Variants in ASIC2 observed in about 807,000 individuals in gnomAD.
ASIC2 encodes the protein acid sensing ion channel subunit 2, also known as acid-sensing ion channel 2.
ASIC2 carries 25 observed loss-of-function variants against 57.3 expected under a neutral mutation model. The ratio of observed to expected loss-of-function variants is 0.44; its 90% CI spans 0.32 to 0.61. The LOEUF is 0.61. Ranked by LOEUF, ASIC2 falls within the 20% of genes least tolerant of loss-of-function variation. ASIC2 has a pLI of 0.06. For missense variants in ASIC2, 641 were observed against 738.1 expected (o/e 0.87, Z 1.52); for synonymous variants, 319 against 307.5 (o/e 1.04, Z -0.39).
chr17:34,095,613 ATATATATATATATATAATTT>A (rs1469280250), intron 1 of ASIC2, among the ~76,000 whole-genome samples: 89 of 83,176 alleles, frequency 1.1e-3, no homozygotes, highest in African/African-American at 6.4e-3. Flanking sequence ...AATTTTATAT[ATATATATATATATATAATTT>A]TATATATATA....
intron 1 of ASIC2, chr17:34,038,372 T>C (rs1186654402): frequency 4.8e-5 from 78 of 1,611,296 alleles, no homozygotes; most frequent in East Asian, 2.2e-4. Context: ...TATTCTGGGA[T>C]GGTCCAGCTC....
rs527885860 is a variant in ASIC2, at chr17:33,181,692, T to G, written c.709-69625A>C. 2.0e-5 allele frequency among the ~76,000 whole-genome samples: 3 copies of G among 152,334 alleles called. No homozygotes were observed. In the East Asian group the frequency reaches 5.8e-4, roughly 29 times the overall value. On this transcript the variant is annotated intron_variant, in intron 1 of 9. Transcript: ENST00000225823. ...TCACCCTCAATCCAGGATGATCTCA[T>G]GCTGAGATCCTGAACTCAATTCCAG... is the stretch of plus-strand genomic sequence containing the variant.
intron 1 of ASIC2, among the ~76,000 whole-genome samples, chr17:33,887,424 G>T (rs911724837): frequency 6.6e-6 from 1 of 152,104 alleles, no homozygotes; most frequent in Non-Finnish European, 1.5e-5. Flanking sequence ...AGGTATCAGG[G>T]AAGGCTTCCT....
At chr17:33,455,248 A>G (rs553590660) in intron 1 of ASIC2, among the ~76,000 whole-genome samples, 2 of 152,252 alleles carry the variant, frequency 1.3e-5, no homozygotes, top group African/African-American at 4.8e-5. Flanking sequence ...TTACCTGGTT[A>G]TATTGCATGA....
intron 1 of ASIC2, among the ~76,000 whole-genome samples, chr17:33,348,053 G>A (rs1007556691): frequency 6.6e-6 from 1 of 152,186 alleles, no homozygotes; most frequent in Non-Finnish European, 1.5e-5. Flanking sequence ...AGTGAGCCGA[G>A]ATGGCACTGC....
At chr17:33,099,170 G>T (rs12326038) in intron 2 of ASIC2, among the ~76,000 whole-genome samples, 12,962 of 150,688 alleles carry the variant, frequency 0.086, 678 homozygotes, top group Admixed American at 0.12. Flanking sequence ...GTTTTTTTTT[G>T]TTGTTGTTGT....
chr17:33,017,786 C>CA, intron 7 of ASIC2, 102 bp from the exon 8 acceptor site: 2 of 1,068,382 alleles, frequency 1.9e-6, no homozygotes, highest in South Asian at 2.9e-5. Flanking sequence ...GCGCCCCCTC[C>CA]ATGGGGAGCC....
chr17:33,044,261 C>CCCATCCATCCAT (rs3052916), intron 3 of ASIC2, among the ~76,000 whole-genome samples: 4 of 137,732 alleles, frequency 2.9e-5, no homozygotes, highest in South Asian at 4.8e-4. Flanking sequence ...CATCCATCTA[C>CCCATCCATCCAT]CCATCCATCC....
At chr17:33,806,910 A>G (rs1912282679) in intron 1 of ASIC2, among the ~76,000 whole-genome samples, 1 of 152,222 alleles carries the variant, frequency 6.6e-6, no homozygotes, top group African/African-American at 2.4e-5. Flanking sequence ...TCATGTTTGC[A>G]TGCTGTCACC....
At chr17:33,562,729 G>T (rs920417956) in intron 1 of ASIC2, among the ~76,000 whole-genome samples, 9 of 151,726 alleles carry the variant, frequency 5.9e-5, no homozygotes, top group African/African-American at 2.2e-4. Flanking sequence ...GCCTCCAGAG[G>T]GTTGATATGT....
upstream of ASIC2, among the ~76,000 whole-genome samples, chr17:33,295,694 C>A (rs116946916): frequency 2.6e-4 from 40 of 152,308 alleles, no homozygotes; most frequent in Non-Finnish European, 5.4e-4. Context: ...GCACAGTGAC[C>A]TAGCACGTTG....
At chr17:33,795,886 C>A (rs1424276580) in intron 1 of ASIC2, among the ~76,000 whole-genome samples, 1 of 152,206 alleles carries the variant, frequency 6.6e-6, no homozygotes, top group Admixed American at 6.5e-5. Flanking sequence ...ACCAACTCTT[C>A]CCCTTGAAGT....
At chr17:33,979,603 T>G (rs1351910688) in intron 1 of ASIC2, among the ~76,000 whole-genome samples, 1 of 152,174 alleles carries the variant, frequency 6.6e-6, no homozygotes, top group African/African-American at 2.4e-5. Context: ...AAAGGCCTCA[T>G]GTGTCAGGAA....
intron 1 of ASIC2, among the ~76,000 whole-genome samples, chr17:33,633,363 G>A (rs1229301185): frequency 2.0e-5 from 3 of 152,330 alleles, no homozygotes; most frequent in East Asian, 1.9e-4. Flanking sequence ...GGCAGATCAC[G>A]AGTGGACTCT....
At chr17:33,325,226 C>A (rs1597683804) in intron 1 of ASIC2, among the ~76,000 whole-genome samples, 1 of 152,114 alleles carries the variant, frequency 6.6e-6, no homozygotes, top group Non-Finnish European at 1.5e-5. Flanking sequence ...ACAAATAACT[C>A]AAAAAATGAA....
chr17:33,763,623 T>A (rs991953477), intron 1 of ASIC2, among the ~76,000 whole-genome samples: 1 of 152,148 alleles, frequency 6.6e-6, no homozygotes, highest in Non-Finnish European at 1.5e-5. Flanking sequence ...GGAGGTGAGA[T>A]GAGTCACTAC....
chr17:33,075,063 C>T (rs1014496898), intron 3 of ASIC2, among the ~76,000 whole-genome samples: 8 of 152,116 alleles, frequency 5.3e-5, no homozygotes, highest in Admixed American at 5.2e-4. Flanking sequence ...TGTGTCCCCA[C>T]CCAAATTTCA....
intron 1 of ASIC2, among the ~76,000 whole-genome samples, chr17:33,560,597 T>C (rs1247185617): frequency 6.6e-6 from 1 of 152,078 alleles, no homozygotes; most frequent in Non-Finnish European, 1.5e-5. Context: ...TGGAAAGAAC[T>C]CAAATGAGGT....
At chr17:33,797,335 T>A (rs1164899368) in intron 1 of ASIC2, among the ~76,000 whole-genome samples, 1 of 152,092 alleles carries the variant, frequency 6.6e-6, no homozygotes, top group Non-Finnish European at 1.5e-5. Flanking sequence ...CAGGGAAACG[T>A]CTGGCATGAC....
Sources: gnomAD v4.1 joint callset for allele counts (sites outside exome capture counted in the v4.1 genomes callset) on GRCh38, gnomAD v4.1.1 for gene constraint, MANE v1.5 for transcripts, NCBI Gene and HGNC (gene_info 2026-07-23, HGNC 2026-07-21) for gene names.